ZSCAN18: variants seen among roughly 807,000 people sequenced by gnomAD.
ZSCAN18 encodes zinc finger and SCAN domain containing 18.
ZSCAN18 carries 16 observed loss-of-function variants against 31.1 expected under a neutral mutation model. The ratio of observed to expected loss-of-function variants is 0.51; its 90% CI spans 0.35 to 0.78. The LOEUF (loss-of-function observed/expected upper bound fraction) is 0.78, where lower values mean the gene tolerates loss of function less well. Ranked by LOEUF, ZSCAN18 falls within the 30% of genes least tolerant of loss-of-function variation. The probability of loss-of-function intolerance (pLI) is 0.01; values close to 1 mark genes in which losing one functional copy is unlikely to be tolerated. For synonymous variants in ZSCAN18, 375 were observed against 320.7 expected (o/e 1.17, Z -1.81); for missense variants, 731 against 697.4 (o/e 1.05, Z -0.54).
intron 1 of ZSCAN18, among the ~76,000 whole-genome samples, chr19:58,104,577 C>G (rs746120427): frequency 1.4e-4 from 21 of 151,960 alleles, no homozygotes; most frequent in Admixed American, 2.6e-4. Context: ...TGGCAAGTGC[C>G]TGTAATCCCT....
At chr19:58,086,518 T>C in intron 5 of ZSCAN18, 1 of 489,770 alleles carries the variant, frequency 2.0e-6, no homozygotes, top group East Asian at 3.3e-5. Flanking sequence ...TTGACAAAAA[T>C]TGCTCAGGAG....
chr19:58,089,281 C>T (rs1457784356), intron 2 of ZSCAN18, among the ~76,000 whole-genome samples: 14 of 107,372 alleles, frequency 1.3e-4, no homozygotes, highest in South Asian at 3.4e-4. Context: ...CCAGCCTGGG[C>T]GACAGAGCGA....
intron 1 of ZSCAN18, among the ~76,000 whole-genome samples, chr19:58,115,786 A>G (rs1470399620): frequency 3.3e-5 from 5 of 152,214 alleles, no homozygotes; most frequent in African/African-American, 1.2e-4. Flanking sequence ...GGTTTCATCA[A>G]ACTTTTGTTA....
At chr19:58,087,874 A>G (rs545463396) in intron 3 of ZSCAN18, 1 of 163,024 alleles carries the variant, frequency 6.1e-6, no homozygotes, top group South Asian at 1.5e-4. Flanking sequence ...GCCCGGGCTC[A>G]AGTGATCTGC....
intron 1 of ZSCAN18, chr19:58,097,837 G>A: frequency 1.6e-6 from 1 of 638,404 alleles, no homozygotes; most frequent in Non-Finnish European, 1.9e-6. Context: ...CCCCCATCAG[G>A]AGCCGCCCCT....
At chr19:58,098,740 A>G (rs2547257), upstream of ZSCAN18, among the ~76,000 whole-genome samples, 31,498 of 152,154 alleles carry the variant, frequency 0.21, 3,707 homozygotes, top group African/African-American at 0.33. Context: ...AGGAAAAGAG[A>G]GAGACCCAGA....
chr19:58,106,827 C>T (rs112918623), intron 1 of ZSCAN18, among the ~76,000 whole-genome samples: 3,354 of 151,082 alleles, frequency 0.022, 125 homozygotes, highest in African/African-American at 0.075. Flanking sequence ...GTGGCTCGAT[C>T]TCTGCTCACT....
Position 58,085,265 on chromosome 19 carries a change from G to A in ZSCAN18, c.953C>T (p.Pro318Leu), listed in dbSNP as rs773859520. ...APPGDALADP[P>L]SGTTEEEEEQ... ...TTCCTCCTCCTCAGTGGTGCCCGACGGGGGATCGGCAAGGGCGTCCCCAGG... is the reference window on the plus strand; with the variant it reads ...TTCCTCCTCCTCAGTGGTGCCCGACAGGGGATCGGCAAGGGCGTCCCCAGG... The change falls in exon 7 of 7, where the codon CCG becomes CTG. Residue 318 changes from proline (P) to leucine (L), a missense_variant. This residue lies in a region of ZSCAN18 where 597 missense variants were observed against 499.5 expected (regional missense o/e 1.20). Transcript: ENST00000601144. The A allele has an allele frequency of 1.9e-6, 3 of 1,603,498 alleles. No homozygotes were observed. The highest frequency in any genetic ancestry group is 1.7e-5 in the Admixed American group (1 of 59,588).
At chr19:58,108,046 A>G (rs2074650137) in intron 1 of ZSCAN18, 37 of 1,008,872 alleles carry the variant, frequency 3.7e-5, no homozygotes, top group Non-Finnish European at 4.3e-5. Flanking sequence ...GTGCCTGATG[A>G]GGTACATAAT....
intron 1 of ZSCAN18, chr19:58,107,968 C>A: frequency 9.5e-7 from 1 of 1,055,236 alleles, no homozygotes; most frequent in Non-Finnish European, 1.2e-6. Flanking sequence ...CAGATGAGGC[C>A]CGCGATGTTC....
chr19:58,112,327 G>A (rs899096217), intron 1 of ZSCAN18, among the ~76,000 whole-genome samples: 1 of 152,066 alleles, frequency 6.6e-6, no homozygotes, highest in African/African-American at 2.4e-5. Flanking sequence ...GAGCCATTGC[G>A]TCTAGCCCCA....
intron 1 of ZSCAN18, among the ~76,000 whole-genome samples, chr19:58,106,092 T>C (rs147839960): frequency 6.6e-6 from 1 of 152,294 alleles, no homozygotes; most frequent in East Asian, 1.9e-4. Flanking sequence ...AATGATTCAC[T>C]ATGCTAGATG....
intron 1 of ZSCAN18, among the ~76,000 whole-genome samples, chr19:58,093,927 G>C (rs1275473879): frequency 2.0e-5 from 3 of 151,914 alleles, no homozygotes; most frequent in Non-Finnish European, 4.4e-5. Context: ...CCCATGCCTA[G>C]CTAATTTTTG....
At chr19:58,103,934 G>T (rs79280316) in intron 1 of ZSCAN18, among the ~76,000 whole-genome samples, 1 of 152,162 alleles carries the variant, frequency 6.6e-6, no homozygotes, top group African/African-American at 2.4e-5. Flanking sequence ...CAGCCTTGTC[G>T]CCAATAGGGA....
chr19:58,095,671 G>A (rs1290351133), intron 1 of ZSCAN18, among the ~76,000 whole-genome samples: 4 of 152,178 alleles, frequency 2.6e-5, no homozygotes, highest in Non-Finnish European at 5.9e-5. Flanking sequence ...GGGATGACGT[G>A]GGGAGGACGG....
intron 1 of ZSCAN18, among the ~76,000 whole-genome samples, chr19:58,117,327 G>A (rs2034608409): frequency 6.6e-6 from 1 of 152,028 alleles, no homozygotes; most frequent in Non-Finnish European, 1.5e-5. Context: ...GTCAGCATTC[G>A]GGCATCAGAG....
At chr19:58,106,421 G>GTTTTTTTTTGTTTTTTTTTT (rs368006741) in intron 1 of ZSCAN18, among the ~76,000 whole-genome samples, 2 of 60,150 alleles carry the variant, frequency 3.3e-5, no homozygotes, top group African/African-American at 8.5e-5. Context: ...AAAGACATCT[G>GTTTTTTTTTGTTTTTTTTTT]GCTGGGCGCG....
intron 1 of ZSCAN18, among the ~76,000 whole-genome samples, chr19:58,092,137 T>A (rs2074425206): frequency 6.6e-6 from 1 of 152,186 alleles, no homozygotes; most frequent in Non-Finnish European, 1.5e-5. Context: ...GGACTGCTAA[T>A]GGGTACAGGA....
intron 1 of ZSCAN18, among the ~76,000 whole-genome samples, chr19:58,115,658 G>A (rs998368222): frequency 6.6e-6 from 1 of 152,176 alleles, no homozygotes; most frequent in Non-Finnish European, 1.5e-5. Flanking sequence ...AGAAGAACTA[G>A]GTTGAAATAA....
Sources: allele counts gnomAD v4.1 joint callset (sites outside exome capture counted in the v4.1 genomes callset), GRCh38; gene constraint gnomAD v4.1.1; regional missense constraint gnomAD v4.1.1; transcripts MANE v1.5; gene names NCBI Gene and HGNC (gene_info 2026-07-23, HGNC 2026-07-21).